GPR89B: variants seen among roughly 807,000 people sequenced by gnomAD.
GPR89B encodes G protein-coupled receptor 89B.
In GPR89B, 25 loss-of-function variants were observed where a neutral mutation model predicts 52.4. That is an observed-to-expected ratio of 0.48 (90% CI 0.35 to 0.67). GPR89B has a LOEUF of 0.67. Ranked by LOEUF, GPR89B falls within the 30% of genes least tolerant of loss-of-function variation. The probability of loss-of-function intolerance (pLI) is 0.01; values close to 1 mark genes in which losing one functional copy is unlikely to be tolerated. For synonymous variants in GPR89B, 52 were observed against 151.2 expected (o/e 0.34, Z 4.81); for missense variants, 146 against 450.2 (o/e 0.32, Z 6.11).
chr1:147,982,179 T>C (rs1658305475), intron 10 of GPR89B, among the ~76,000 whole-genome samples: 1 of 151,802 alleles, frequency 6.6e-6, no homozygotes, highest in Non-Finnish European at 1.5e-5. Context: ...CCTGCCTCAG[T>C]GTCCCAAGTA....
chr1:148,003,356 C>A, the GPR89B span, among the ~76,000 whole-genome samples: 1 of 151,970 alleles, frequency 6.6e-6, no homozygotes, highest in Admixed American at 6.6e-5. Flanking sequence ...GGCCTCAGGT[C>A]CAGCGGTGTG....
chr1:148,002,278 T>C, the GPR89B span, among the ~76,000 whole-genome samples: 1 of 152,034 alleles, frequency 6.6e-6, no homozygotes, highest in Non-Finnish European at 1.5e-5. Context: ...ATCTAGACGA[T>C]TGCTAAGTCC....
At chr1:148,024,989 A>G in the GPR89B span, among the ~76,000 whole-genome samples, 1 of 151,912 alleles carries the variant, frequency 6.6e-6, no homozygotes, top group African/African-American at 2.4e-5. Context: ...CACATCCTAT[A>G]GCTGTTTAGT....
At chr1:147,969,662 T>C in intron 9 of GPR89B, 1 of 574,038 alleles carries the variant, frequency 1.7e-6, no homozygotes. Flanking sequence ...AAGTGGATAA[T>C]GCATGTAAGA....
chr1:148,023,114 C>T, the GPR89B span, among the ~76,000 whole-genome samples: 105 of 151,002 alleles, frequency 7.0e-4, 2 homozygotes, highest in Middle Eastern at 3.4e-3. Flanking sequence ...CATGGTAGTC[C>T]ACAGTGTCTA....
rs371976853 is a variant in GPR89B, at chr1:147,949,036, G to C, written c.416-4309G>C. Among the ~76,000 whole-genome samples the C allele has an allele frequency of 1.1e-3, 161 of 152,172 alleles. 1 individual carries two copies. In the East Asian group the frequency reaches 0.025, roughly 23 times the overall value. On this transcript the variant is annotated intron_variant, in intron 5 of 13. Transcript: ENST00000314163. ...CACCACCATTAATCCATTTAACCCT[G>C]AGTGGACACAGCACATGTTTCAGAG... is the stretch of plus-strand genomic sequence containing the variant.
the GPR89B span, among the ~76,000 whole-genome samples, chr1:148,023,210 G>T: frequency 1.4e-5 from 2 of 146,608 alleles, no homozygotes; most frequent in East Asian, 2.1e-4. Context: ...TTCTGTTTCC[G>T]CATTAGTTTC....
rs141955673 is a variant in GPR89B, at chr1:147,943,786, A to G, written c.314-211A>G. Among the ~76,000 whole-genome samples, 607 of 152,236 alleles carry G rather than the reference A, an allele frequency of 4.0e-3. 7 individuals carry two copies. Among genetic ancestry groups the G allele is most frequent in the East Asian group, 0.026 (134 of 5,186 alleles). On this transcript the variant is annotated intron_variant, in intron 4 of 13. Coordinates refer to ENST00000314163, the MANE Select transcript of GPR89B (RefSeq NM_016334.5). ...AGCTTTATTTTTCTACCTATTAATA[A>G]TGTCTCCGTTAGTTCATCCCACACC...
At chr1:148,023,144 C>T in the GPR89B span, among the ~76,000 whole-genome samples, 1 of 150,092 alleles carries the variant, frequency 6.7e-6, no homozygotes, top group Non-Finnish European at 1.5e-5. Flanking sequence ...AGTTTATGTC[C>T]ATGTGAGCTC....
At chr1:147,951,413 G>A (rs1486033596) in intron 5 of GPR89B, among the ~76,000 whole-genome samples, 2 of 152,084 alleles carry the variant, frequency 1.3e-5, no homozygotes, top group Non-Finnish European at 2.9e-5. Context: ...CTGGATTGCA[G>A]TCAGTTAAGG....
chr1:147,930,745 T>A (rs1412689479), intron 1 of GPR89B, among the ~76,000 whole-genome samples: 2 of 149,046 alleles, frequency 1.3e-5, no homozygotes, highest in Non-Finnish European at 3.0e-5. Flanking sequence ...TTACATGGCT[T>A]TTCAGGTCCC....
chr1:148,014,022 A>G, the GPR89B span, among the ~76,000 whole-genome samples: 1 of 151,116 alleles, frequency 6.6e-6, no homozygotes, highest in African/African-American at 2.5e-5. Context: ...CAAAGACTGT[A>G]GGGAGACCTT....
At chr1:147,979,091 G>A (rs1424424963) in intron 10 of GPR89B, among the ~76,000 whole-genome samples, 3 of 151,750 alleles carry the variant, frequency 2.0e-5, no homozygotes, top group African/African-American at 7.3e-5. Context: ...CTTGATTGGG[G>A]GTGGGAACTC....
chr1:147,991,488 G>T (rs1659065279), intron 12 of GPR89B, among the ~76,000 whole-genome samples: 2 of 152,142 alleles, frequency 1.3e-5, no homozygotes, highest in Non-Finnish European at 2.9e-5. Flanking sequence ...ACACTATGTT[G>T]AATAAGAGTG....
Position 147,986,265 on chromosome 1 carries a change from A to G in GPR89B, c.976A>G (p.Thr326Ala), listed in dbSNP as rs1658661516. Residue 326 changes from threonine (T) to alanine (A), a missense_variant, in exon 11 of 14, where the codon ACT becomes GCT. Thr to Ala is a moderately conservative substitution (Grantham distance 58). Transcript: ENST00000314163. ...TCCTGTCACAAGAGGCATTGAGATC[A>G]CTGTGAATTATCTGGGAATCCAATT... ...TDPVTRGIEI[T>A]VNYLGIQFDV... 19 of 1,611,192 alleles carry G rather than the reference A, an allele frequency of 1.2e-5. No individual in the cohort carries two copies. The highest frequency in any genetic ancestry group is 2.2e-4 in the Middle Eastern group (1 of 4,446).
the GPR89B span, among the ~76,000 whole-genome samples, chr1:148,012,940 TTTA>T: frequency 1.3e-5 from 2 of 152,188 alleles, no homozygotes; most frequent in East Asian, 1.9e-4. Context: ...GCAGAACGAA[TTTA>T]TTATTCAATA....
intron 2 of GPR89B, 46 bp downstream of exon 2, chr1:147,936,732 T>A (rs781803513): frequency 6.5e-7 from 1 of 1,542,392 alleles, no homozygotes; most frequent in South Asian, 1.2e-5. Flanking sequence ...TGAATTTAGA[T>A]TGACAAGAAA....
At chr1:147,983,035 C>T (rs1286169575) in intron 10 of GPR89B, among the ~76,000 whole-genome samples, 78 of 152,158 alleles carry the variant, frequency 5.1e-4, no homozygotes, top group African/African-American at 1.5e-3. Flanking sequence ...TATCTACAAC[C>T]GTCTGATCTT....
intron 1 of GPR89B, among the ~76,000 whole-genome samples, chr1:147,931,269 A>T (rs1179940366): frequency 6.6e-6 from 1 of 151,756 alleles, no homozygotes; most frequent in Non-Finnish European, 1.5e-5. Context: ...ACAGTAGCTA[A>T]TTTTCAACCC....
Sources: gnomAD v4.1 joint callset for allele counts (sites outside exome capture counted in the v4.1 genomes callset) on GRCh38, gnomAD v4.1.1 for gene constraint, MANE v1.5 for transcripts, NCBI Gene and HGNC (gene_info 2026-07-23, HGNC 2026-07-21) for gene names.